ACSL5: variants seen among roughly 807,000 people sequenced by gnomAD.
ACSL5 encodes long-chain-fatty-acid--CoA ligase 5.
ACSL5 carries 50 observed loss-of-function variants against 84.9 expected under a neutral mutation model. That is an observed-to-expected ratio of 0.59 (90% confidence interval 0.47 to 0.75). The LOEUF is 0.75. ACSL5 is among the 30% of genes least tolerant of loss of function. ACSL5 has a pLI of 0.00. For synonymous variants in ACSL5, 280 were observed against 300.7 expected, an observed-to-expected ratio of 0.93 and a Z score of 0.71; for missense variants, 775 against 830.4, an observed-to-expected ratio of 0.93 and a Z score of 0.82.
rs962066522 is a variant in ACSL5 at position 112,428,124 on chromosome 10, G to C, written c.*766G>C. The C allele has an allele frequency of 3.6e-6, 1 of 277,946 alleles. No individual in the cohort carries two copies. The highest frequency in any genetic ancestry group is 2.2e-5 in the African/African-American group (1 of 46,024). The allele number at this position is 277,946 out of a possible 1,614,324, so 17.2% of individuals were successfully genotyped here. Reference sequence around the variant, plus strand: ...AGTTTGCTGCTGAGCTGGAAGCTGTGGGGGAAGGAGTTGACAGGTGGGCCC... The same window carrying C: ...AGTTTGCTGCTGAGCTGGAAGCTGTCGGGGAAGGAGTTGACAGGTGGGCCC... On this transcript the variant is annotated 3_prime_UTR_variant, in exon 21 of 21. Coordinates refer to ENST00000354655, the MANE Select transcript of ACSL5 (RefSeq NM_203379.2).
chr10:112,378,227 G>GTT lies in ACSL5; in HGVS notation c.-30+3988_-30+3989dup, dbSNP rs144322644. Reference sequence around the variant, plus strand: ...TAATCAAGACAATCTTCTTCTTCTTGTTTTTTTTTTTTTTTTTTTTTTTTT... The same window carrying GTT: ...TAATCAAGACAATCTTCTTCTTCTTGTTTTTTTTTTTTTTTTTTTTTTTTTTT... On this transcript the variant is annotated intron_variant, in intron 1 of 20. Coordinates refer to ENST00000354655, the MANE Select transcript of ACSL5 (RefSeq NM_203379.2). Among the ~76,000 whole-genome samples, 79 of 56,810 alleles carry GTT rather than the reference G, an allele frequency of 1.4e-3. 2 individuals carry two copies. The highest frequency in any genetic ancestry group is 2.4e-3 in the Admixed American group (8 of 3,374). The allele number at this position is 56,810 out of a possible 152,430, so 37.3% of individuals were successfully genotyped here.
rs75169539 is a variant in ACSL5, at chr10:112,391,437, G to A, written c.-29-3481G>A. On this transcript the variant is annotated intron_variant, in intron 1 of 20. Transcript: ENST00000354655. ...CACCTCCTACTTGAGTTGGATACCT[G>A]GTCAGTGGTAGCAAACTAAGCAAGC... Among the ~76,000 whole-genome samples, 1,427 of 151,840 alleles carry A rather than the reference G, an allele frequency of 9.4e-3. 19 individuals carry two copies. Among genetic ancestry groups the A allele is most frequent in the African/African-American group, 0.033 (1,357 of 41,386 alleles).
intron 6 of ACSL5, 50 bp downstream of exon 6, chr10:112,408,571 A>G: frequency 1.7e-6 from 2 of 1,207,270 alleles, no homozygotes; most frequent in Non-Finnish European, 1.2e-6. Flanking sequence ...AATGCTGAGT[A>G]TTTCTTCAAT....
chr10:112,392,535 A>G (rs1436891263), intron 1 of ACSL5, among the ~76,000 whole-genome samples: 1 of 152,056 alleles, frequency 6.6e-6, no homozygotes, highest in Non-Finnish European at 1.5e-5. Flanking sequence ...AGGTCAGGAG[A>G]TCGAGACCAT....
At chr10:112,392,918 T>A (rs1394432537) in intron 1 of ACSL5, among the ~76,000 whole-genome samples, 1 of 149,048 alleles carries the variant, frequency 6.7e-6, no homozygotes, top group Non-Finnish European at 1.5e-5. Context: ...GTGTCTCAAA[T>A]ATATATATAT....
In ACSL5 at chr10:112,404,502, T is replaced by C. The variant is rs1422854178; in HGVS notation, c.266-9T>C. 2 of 1,609,858 alleles carry C rather than the reference T, an allele frequency of 1.2e-6. No homozygotes were observed. Among genetic ancestry groups the C allele is most frequent in the East Asian group, 4.5e-5 (2 of 44,830 alleles). On this transcript the variant is annotated splice_polypyrimidine_tract_variant and intron_variant, in intron 3 of 20. Transcript: ENST00000354655. ...TGGAGTTGATTTTCTTTTAATATTA[T>C]GTTTTTAGACAATGGGCCCTGCTTG... is the stretch of plus-strand genomic sequence containing the variant.
At position 112,404,493 on chromosome 10, in the gene ACSL5, T is replaced by G. The variant is rs1169260931; in HGVS notation, c.266-18T>G. ...ATTTGCAACTGGAGTTGATTTTCTT[T>G]TAATATTATGTTTTTAGACAATGGG... On this transcript the variant is annotated intron_variant, in intron 3 of 20. Transcript: ENST00000354655. 1 of 1,605,532 alleles carries G rather than the reference T, an allele frequency of 6.2e-7. No homozygotes were observed. Among genetic ancestry groups the G allele is most frequent in the Non-Finnish European group, 8.5e-7 (1 of 1,173,126 alleles).
rs748550564 is a variant in ACSL5, at chr10:112,413,163, T to C, written c.949-10T>C. Reference sequence around the variant, plus strand: ...TGCCTCTAAGCTCTATAATTTGGTTTTGTTTTCAGGCTGTTGTGTACAGCT... The same window carrying C: ...TGCCTCTAAGCTCTATAATTTGGTTCTGTTTTCAGGCTGTTGTGTACAGCT... On this transcript the variant is annotated splice_polypyrimidine_tract_variant and intron_variant, in intron 11 of 20. Transcript: ENST00000354655. 3.5e-5 allele frequency: 57 copies of C among 1,613,812 alleles called. No individual in the cohort carries two copies. Among genetic ancestry groups the C allele is most frequent in the Non-Finnish European group, 4.7e-5 (55 of 1,179,864 alleles).
chr10:112,422,441 G>A lies in ACSL5; in HGVS notation c.1593G>A (p.Pro531=), dbSNP rs149581330. ...CAGGAGACATTGGTCGCTGGCTCCC[G>A]GTAGGTATATCATCAGAACTCCTGG... ...LHTGDIGRWL[P]NGTLKIIDRK... The change falls in exon 17 of 21, where the codon CCG becomes CCA. Residue 531 remains proline, a splice_region_variant and synonymous_variant. Transcript: ENST00000354655. The A allele has an allele frequency of 2.5e-5, 41 of 1,613,204 alleles. No individual in the cohort carries two copies. The highest frequency in any genetic ancestry group is 5.0e-5 in the Admixed American group (3 of 59,950).
intron 2 of ACSL5, 65 bp from the exon 3 acceptor site, chr10:112,398,836 C>A: frequency 1.5e-6 from 2 of 1,370,012 alleles, no homozygotes; most frequent in African/African-American, 1.4e-5. Flanking sequence ...TAATTCAATT[C>A]ATAAAGGTTT....
intron 1 of ACSL5, among the ~76,000 whole-genome samples, chr10:112,391,564 G>A (rs999161342): frequency 1.3e-5 from 2 of 152,116 alleles, no homozygotes; most frequent in Admixed American, 6.5e-5. Flanking sequence ...ATGAAACTGT[G>A]GCTTTGAAAT....
At chr10:112,398,753 G>A in intron 2 of ACSL5, 148 bp from the exon 3 acceptor site, 1 of 655,510 alleles carries the variant, frequency 1.5e-6, no homozygotes, top group Non-Finnish European at 2.7e-6. Flanking sequence ...CTATGATTTG[G>A]GGATTTTTAA....
chr10:112,383,759 T>C (rs1849396167), intron 1 of ACSL5, among the ~76,000 whole-genome samples: 1 of 152,172 alleles, frequency 6.6e-6, no homozygotes. Flanking sequence ...TAGAACTTTC[T>C]AAATTAGCTG....
Position 112,375,782 on chromosome 10 carries a change from C to T in ACSL5, c.-30+1513C>T, listed in dbSNP as rs769578672. Among the ~76,000 whole-genome samples, 59 of 152,332 alleles carry T rather than the reference C, an allele frequency of 3.9e-4. No individual in the cohort carries two copies. In the Middle Eastern group the frequency reaches 0.01, roughly 26 times the overall value. On this transcript the variant is annotated intron_variant, in intron 1 of 20. Transcript: ENST00000354655. ...CCAATTGAACGACTCACAGCCCTGT[C>T]GTTCCTGACTTGCTTATTTTCTTGG...
At chr10:112,376,572 TC>T in intron 1 of ACSL5, 1 of 1,355,088 alleles carries the variant, frequency 7.4e-7, no homozygotes, top group Non-Finnish European at 1.0e-6. Context: ...CCGGCTGAGT[TC>T]CACGGGCACA....
intron 2 of ACSL5, among the ~76,000 whole-genome samples, chr10:112,397,423 G>A (rs1843773590): frequency 6.6e-6 from 1 of 152,034 alleles, no homozygotes; most frequent in Non-Finnish European, 1.5e-5. Context: ...ACCTGCCTTG[G>A]CCTCTCAAAG....
intron 18 of ACSL5, 104 bp downstream of exon 18, chr10:112,425,585 CTTA>C (rs1168605594): frequency 1.3e-6 from 1 of 750,280 alleles, no homozygotes; most frequent in Admixed American, 4.6e-5. Context: ...AAGATCCAAG[CTTA>C]TAAAACTAAA....
At chr10:112,418,524 G>A (rs1242205431) in intron 14 of ACSL5, among the ~76,000 whole-genome samples, 1 of 152,084 alleles carries the variant, frequency 6.6e-6, no homozygotes, top group Non-Finnish European at 1.5e-5. Context: ...GGAGCTTGCA[G>A]TGAGCTGAGA....
At chr10:112,410,271 T>C (rs1259064678) in intron 7 of ACSL5, 192 bp from the exon 8 acceptor site, 6 of 1,540,592 alleles carry the variant, frequency 3.9e-6, no homozygotes, top group Non-Finnish European at 5.3e-6. Context: ...GATGATTTTC[T>C]AGAGAAATCT....
Sources: allele counts gnomAD v4.1 joint callset (sites outside exome capture counted in the v4.1 genomes callset), GRCh38; gene constraint gnomAD v4.1.1; transcripts MANE v1.5; gene names NCBI Gene and HGNC (gene_info 2026-07-23, HGNC 2026-07-21).